The following NRXN1 variants were observed in gnomAD, a reference collection of about 807,000 sequenced individuals.
NRXN1 encodes the protein neurexin 1.
Under a neutral mutation model 150.9 loss-of-function variants are expected in NRXN1, and 39 were observed. That is an observed-to-expected ratio of 0.26 (90% CI 0.20 to 0.34). The LOEUF (loss-of-function observed/expected upper bound fraction) is 0.34, where lower values mean the gene tolerates loss of function less well. Among genes scored for constraint, NRXN1 ranks in the 10% least tolerant of loss-of-function variants. The pLI, the probability that NRXN1 is intolerant of heterozygous loss-of-function variation, is 1.00. For synonymous variants in NRXN1, 924 were observed against 757.0 expected (o/e 1.22, Z -3.62); for missense variants, 1,815 against 1,949.9 (o/e 0.93, Z 1.30).
At chr2:50,634,996 C>A (rs1240056532) in intron 5 of NRXN1, among the ~76,000 whole-genome samples, 2 of 152,208 alleles carry the variant, frequency 1.3e-5, no homozygotes, top group Non-Finnish European at 2.9e-5. Context: ...AACCTTCACA[C>A]AACACCCCAT....
At chr2:50,364,393 A>G (rs1372427792) in intron 17 of NRXN1, among the ~76,000 whole-genome samples, 2 of 152,154 alleles carry the variant, frequency 1.3e-5, no homozygotes, top group Non-Finnish European at 2.9e-5. Context: ...AAAGCCTCTC[A>G]CAGAAAACCT....
chr2:50,196,358 C>T (rs780699684), intron 18 of NRXN1, among the ~76,000 whole-genome samples: 3 of 152,074 alleles, frequency 2.0e-5, no homozygotes, highest in Non-Finnish European at 4.4e-5. Context: ...ATTAGAATTC[C>T]AGAAAAGTTT....
At chr2:50,251,586 AG>A (rs2067087954) in intron 17 of NRXN1, among the ~76,000 whole-genome samples, 1 of 152,104 alleles carries the variant, frequency 6.6e-6, no homozygotes, top group Non-Finnish European at 1.5e-5. Context: ...TTCTGGTTCT[AG>A]GTCTTTGAGG....
chr2:50,646,186 G>C (rs1361018256), intron 5 of NRXN1, among the ~76,000 whole-genome samples: 2 of 151,846 alleles, frequency 1.3e-5, no homozygotes, highest in Non-Finnish European at 2.9e-5. Context: ...AGTAATTGCA[G>C]TTTTTGCCAT....
intron 21 of NRXN1, among the ~76,000 whole-genome samples, chr2:49,966,874 C>T (rs1028213329): frequency 7.9e-5 from 12 of 152,016 alleles, no homozygotes; most frequent in African/African-American, 1.9e-4. Context: ...TCTGAGACCA[C>T]CTTCAGAAAA....
chr2:50,682,763 T>C (rs1384232470), intron 5 of NRXN1, among the ~76,000 whole-genome samples: 1 of 152,138 alleles, frequency 6.6e-6, no homozygotes, highest in African/African-American at 2.4e-5. Flanking sequence ...TGTCACATTC[T>C]AAAGTCTAGG....
intron 2 of NRXN1, among the ~76,000 whole-genome samples, chr2:50,971,817 A>G (rs562830749): frequency 6.6e-6 from 1 of 152,198 alleles, no homozygotes; most frequent in Admixed American, 6.6e-5. Context: ...TCAACATAAT[A>G]CAAACACAGA....
chr2:50,759,736 A>T (rs1255430856), intron 5 of NRXN1, among the ~76,000 whole-genome samples: 1 of 151,840 alleles, frequency 6.6e-6, no homozygotes, highest in Non-Finnish European at 1.5e-5. Flanking sequence ...TTTTATGGAT[A>T]GCAGTGGTGA....
At chr2:50,571,117 A>G (rs1218794634) in intron 8 of NRXN1, among the ~76,000 whole-genome samples, 3 of 152,182 alleles carry the variant, frequency 2.0e-5, no homozygotes, top group Non-Finnish European at 2.9e-5. Context: ...GGCTTTAGCT[A>G]TAGGCCCAAG....
intron 18 of NRXN1, among the ~76,000 whole-genome samples, chr2:50,131,947 T>C (rs1705569636): frequency 6.6e-6 from 1 of 152,096 alleles, no homozygotes; most frequent in Non-Finnish European, 1.5e-5. Flanking sequence ...AAAAAGTTAT[T>C]TTTGTTGTGG....
At chr2:50,871,234 C>A (rs1167323729) in intron 5 of NRXN1, among the ~76,000 whole-genome samples, 1 of 151,762 alleles carries the variant, frequency 6.6e-6, no homozygotes, top group East Asian at 1.9e-4. Context: ...AGAATGCTCT[C>A]CTATTCTCTA....
intron 8 of NRXN1, among the ~76,000 whole-genome samples, chr2:50,603,561 T>C (rs1676618359): frequency 6.6e-6 from 1 of 152,178 alleles, no homozygotes; most frequent in Non-Finnish European, 1.5e-5. Flanking sequence ...AAGGAGATGG[T>C]AGTGGTAGAA....
At chr2:50,703,316 G>A (rs1209562031) in intron 5 of NRXN1, among the ~76,000 whole-genome samples, 3 of 152,072 alleles carry the variant, frequency 2.0e-5, no homozygotes, top group Non-Finnish European at 4.4e-5. Context: ...AACAGATCCA[G>A]GTAACTCTTT....
At position 50,472,515 on chromosome 2, in the gene NRXN1, T is replaced by G. The variant is rs1300605070; in HGVS notation, c.3071-44A>C. ...CTTTGTTACAAAAGTACCATGTCAT[T>G]GACTTTAAACACACAGTAGGATGGA... On this transcript the variant is annotated intron_variant, in intron 15 of 22. Coordinates refer to ENST00000401669, the MANE Select transcript of NRXN1 (RefSeq NM_001330078.2). The G allele has an allele frequency of 1.9e-6, 3 of 1,538,502 alleles. No homozygotes were observed. In the South Asian group the frequency reaches 3.4e-5, roughly 18 times the overall value.
chr2:50,519,103 CTTTT>C (rs917434555), intron 12 of NRXN1, among the ~76,000 whole-genome samples: 44 of 151,758 alleles, frequency 2.9e-4, no homozygotes, highest in Admixed American at 2.7e-3. Context: ...GTCTTGCTTT[CTTTT>C]TGTTTCTTTA....
At chr2:50,381,808 C>T (rs1345896920) in intron 17 of NRXN1, among the ~76,000 whole-genome samples, 2 of 152,120 alleles carry the variant, frequency 1.3e-5, no homozygotes, top group Non-Finnish European at 2.9e-5. Flanking sequence ...TATCAATCAA[C>T]TAGCAAATAT....
intron 17 of NRXN1, among the ~76,000 whole-genome samples, chr2:50,371,331 T>C (rs1229726826): frequency 6.6e-6 from 1 of 152,072 alleles, no homozygotes; most frequent in Non-Finnish European, 1.5e-5. Flanking sequence ...TGAGGCTTTA[T>C]TGCCTCTCTT....
intron 17 of NRXN1, chr2:50,312,617 C>T (rs2075270927): frequency 4.5e-6 from 2 of 448,842 alleles, no homozygotes; most frequent in Non-Finnish European, 4.5e-6. Context: ...TCTCATCCTA[C>T]ACACATGTTA....
At chr2:50,922,409 A>C in intron 4 of NRXN1, 1 of 587,674 alleles carries the variant, frequency 1.7e-6, no homozygotes, top group Non-Finnish European at 3.0e-6. Flanking sequence ...ACAATTTCTT[A>C]TGTCTCATTT....
Sources: allele counts gnomAD v4.1 joint callset (sites outside exome capture counted in the v4.1 genomes callset), GRCh38; gene constraint gnomAD v4.1.1; transcripts MANE v1.5; gene names NCBI Gene and HGNC (gene_info 2026-07-23, HGNC 2026-07-21).